The following PKNOX2 variants were observed in gnomAD, a reference collection of about 807,000 sequenced individuals.
PKNOX2 encodes PBX/knotted 1 homeobox 2.
In PKNOX2, 14 loss-of-function variants were observed where a neutral mutation model predicts 53.1. The observed-to-expected ratio is 0.26, with a 90% CI of 0.17 to 0.41. PKNOX2 has a LOEUF of 0.41. PKNOX2 is among the 10% of genes least tolerant of loss of function. PKNOX2 has a pLI of 1.00. For missense variants in PKNOX2, 496 were observed against 602.8 expected (o/e 0.82, Z 1.85); for synonymous variants, 257 against 242.8 (o/e 1.06, Z -0.54).
At chr11:125,408,750 T>TC (rs1324177359) in intron 7 of PKNOX2, among the ~76,000 whole-genome samples, 1 of 152,048 alleles carries the variant, frequency 6.6e-6, no homozygotes, top group East Asian at 1.9e-4. Flanking sequence ...GCCATGGCTG[T>TC]CCCCCGGGCT....
At position 125,327,945 on chromosome 11, in the gene PKNOX2, C is replaced by A. The variant is rs1277788850; in HGVS notation, c.-129-3874C>A. ...TGTGTTTTATTCCCTGAGTGGAGAA[C>A]AGGGTCAGCTTCTTTCCCTAATATT... On this transcript the variant is annotated intron_variant, in intron 2 of 12. Transcript: ENST00000298282. Among the ~76,000 whole-genome samples, 8 of 152,198 alleles carry A rather than the reference C, an allele frequency of 5.3e-5. 1 individual carries two copies. The highest frequency in any genetic ancestry group is 5.2e-4 in the Admixed American group (8 of 15,280).
intron 1 of PKNOX2, among the ~76,000 whole-genome samples, chr11:125,169,312 A>T (rs1269657768): frequency 6.6e-6 from 1 of 152,218 alleles, no homozygotes; most frequent in Non-Finnish European, 1.5e-5. Context: ...TCCGTGACTT[A>T]TTGAAGACTG....
chr11:125,179,922 G>A (rs1038895578), intron 1 of PKNOX2, among the ~76,000 whole-genome samples: 4 of 152,142 alleles, frequency 2.6e-5, no homozygotes, highest in Admixed American at 1.3e-4. Context: ...TGACGTTAAA[G>A]CTTAGATGAT....
At chr11:125,316,282 G>A (rs187566731) in intron 2 of PKNOX2, among the ~76,000 whole-genome samples, 1 of 152,328 alleles carries the variant, frequency 6.6e-6, no homozygotes, top group African/African-American at 2.4e-5. Flanking sequence ...TCCATCCAGT[G>A]CCGGGGCCTG....
rs1954500326 is a variant in PKNOX2, at chr11:125,397,790, CCTGGGGTGGTGGGGG to C, written c.400-77_400-63del. ...TACGGCAGGGGGTGGGCTCCCCTCC[CCTGGGGTGGTGGGGG>C]CTGGGGGTCCAGGCAGTGAGGGAAA... On this transcript the variant is annotated intron_variant, in intron 6 of 12. Coordinates refer to ENST00000298282, the MANE Select transcript of PKNOX2 (RefSeq NM_001382323.2). 6.9e-5 allele frequency: 96 copies of C among 1,399,750 alleles called. 2 individuals are homozygous for C. In the South Asian group the frequency reaches 1.1e-3, roughly 16 times the overall value. 86.7% of individuals were successfully genotyped at this position (1,399,750 alleles called of 1,614,324 possible).
intron 3 of PKNOX2, among the ~76,000 whole-genome samples, chr11:125,332,241 G>A (rs756644498): frequency 7.9e-5 from 12 of 151,736 alleles, no homozygotes; most frequent in East Asian, 1.9e-4. Flanking sequence ...CATTTGTACC[G>A]CCCTCTGGAG....
At chr11:125,168,095 T>C (rs1441771333) in intron 1 of PKNOX2, among the ~76,000 whole-genome samples, 2 of 152,218 alleles carry the variant, frequency 1.3e-5, no homozygotes, top group South Asian at 2.1e-4. Flanking sequence ...TCAGCCCAGC[T>C]GCCAATTCAA....
chr11:125,183,881 G>T, intron 1 of PKNOX2, among the ~76,000 whole-genome samples: 1 of 152,180 alleles, frequency 6.6e-6, no homozygotes, highest in East Asian at 1.9e-4. Context: ...TACACCCAGA[G>T]TGGAGAACAT....
intron 2 of PKNOX2, among the ~76,000 whole-genome samples, chr11:125,316,644 G>A (rs1026204655): frequency 2.6e-5 from 4 of 152,196 alleles, no homozygotes; most frequent in Non-Finnish European, 5.9e-5. Context: ...GTGTGGAATA[G>A]CATTATGCCT....
chr11:125,433,376 A>G lies in PKNOX2; in HGVS notation c.*1984A>G, dbSNP rs1395371283. The G allele has an allele frequency of 2.6e-5, 4 of 152,638 alleles. No individual in the cohort carries two copies. The highest frequency in any genetic ancestry group is 2.6e-4 in the Admixed American group (4 of 15,280). The allele number at this position is 152,638 out of a possible 1,614,324, so 9.5% of individuals were successfully genotyped here. ...GGCCGAGACGTTTTCAGTAAATCTT[A>G]TTACCTACCGTAACCCTGGTGCACA... On this transcript the variant is annotated 3_prime_UTR_variant, in exon 13 of 13. Transcript: ENST00000298282.
chr11:125,263,352 G>A (rs967302943), intron 2 of PKNOX2, among the ~76,000 whole-genome samples: 1 of 152,062 alleles, frequency 6.6e-6, no homozygotes, highest in African/African-American at 2.4e-5. Flanking sequence ...GAGGAGCGGC[G>A]TGGGAGCAAA....
At position 125,417,341 on chromosome 11, in the gene PKNOX2, G is replaced by A. The variant is rs150600109; in HGVS notation, c.936+5476G>A. Among the ~76,000 whole-genome samples the A allele has an allele frequency of 4.3e-4, 65 of 152,116 alleles. 1 individual carries two copies. The highest frequency in any genetic ancestry group is 1.3e-3 in the African/African-American group (55 of 41,378). ...GCTTTTCAGAATATGCTCTGTGTGC[G>A]GGGAGATCCTGGAGACCAGGCCCCA... On this transcript the variant is annotated intron_variant, in intron 10 of 12. Transcript: ENST00000298282.
intron 2 of PKNOX2, among the ~76,000 whole-genome samples, chr11:125,274,356 A>G (rs996686220): frequency 2.6e-5 from 4 of 152,154 alleles, no homozygotes; most frequent in Non-Finnish European, 5.9e-5. Context: ...ATCGAGCTCC[A>G]CATCCCAGCT....
In PKNOX2 at chr11:125,432,276, T is replaced by TGAAGGTGGGAG. The variant is rs1956735810; in HGVS notation, c.*884_*885insGAAGGTGGGAG. The TGAAGGTGGGAG allele has an allele frequency of 2.6e-5, 4 of 152,724 alleles. No homozygotes were observed. Among genetic ancestry groups the TGAAGGTGGGAG allele is most frequent in the Non-Finnish European group, 5.9e-5 (4 of 68,090 alleles). The allele number at this position is 152,724 out of a possible 1,614,324, so 9.5% of individuals were successfully genotyped here. On this transcript the variant is annotated 3_prime_UTR_variant, in exon 13 of 13. Transcript: ENST00000298282. Reference sequence around the variant, plus strand: ...TTTTTTACCCTAGATGTTCCCACCTTCAGTGCTCCACGCCCTCCATAGACC... The same window carrying TGAAGGTGGGAG: ...TTTTTTACCCTAGATGTTCCCACCTTGAAGGTGGGAGCAGTGCTCCACGCCCTCCATAGACC...
intron 3 of PKNOX2, among the ~76,000 whole-genome samples, chr11:125,348,964 T>A (rs913642419): frequency 1.3e-5 from 2 of 152,052 alleles, no homozygotes; most frequent in African/African-American, 4.8e-5. Context: ...GGCACTACAG[T>A]GCTATGGCCC....
At chr11:125,196,002 C>T (rs565557734) in intron 1 of PKNOX2, among the ~76,000 whole-genome samples, 1 of 152,240 alleles carries the variant, frequency 6.6e-6, no homozygotes, top group East Asian at 1.9e-4. Flanking sequence ...TCCCCTCCCC[C>T]ACCACTTAGG....
intron 2 of PKNOX2, among the ~76,000 whole-genome samples, chr11:125,324,541 A>G (rs1393917546): frequency 6.6e-6 from 1 of 152,130 alleles, no homozygotes; most frequent in Non-Finnish European, 1.5e-5. Context: ...GGGGTGGCAG[A>G]GTAGTACCCA....
intron 2 of PKNOX2, among the ~76,000 whole-genome samples, chr11:125,328,891 T>C (rs1334575401): frequency 6.6e-6 from 1 of 152,212 alleles, no homozygotes; most frequent in Non-Finnish European, 1.5e-5. Context: ...GGGAAAGGCA[T>C]CTCTCATACG....
chr11:125,268,010 A>G (rs952834523), intron 2 of PKNOX2, among the ~76,000 whole-genome samples: 3 of 152,202 alleles, frequency 2.0e-5, no homozygotes, highest in Non-Finnish European at 4.4e-5. Context: ...TCAGGGAGTC[A>G]CAGAAATGTT....
Sources: allele counts gnomAD v4.1 joint callset (sites outside exome capture counted in the v4.1 genomes callset), GRCh38; gene constraint gnomAD v4.1.1; transcripts MANE v1.5; gene names NCBI Gene and HGNC (gene_info 2026-07-23, HGNC 2026-07-21).